Variants in DDX10 observed in about 807,000 individuals in gnomAD.
DDX10 encodes the protein probable ATP-dependent RNA helicase DDX10.
In DDX10, 74 loss-of-function variants were observed where a neutral mutation model predicts 104.3. The ratio of observed to expected loss-of-function variants is 0.71; its 90% CI spans 0.59 to 0.86. The LOEUF (loss-of-function observed/expected upper bound fraction) is 0.86, where lower values mean the gene tolerates loss of function less well. DDX10 is among the 40% of genes least tolerant of loss of function. The probability of loss-of-function intolerance (pLI) is 0.00; values close to 1 mark genes in which losing one functional copy is unlikely to be tolerated. For synonymous variants in DDX10, 351 were observed against 353.4 expected (o/e 0.99, Z 0.08); for missense variants, 952 against 1,040.0 (o/e 0.92, Z 1.16).
chr11:108,792,847 GT>G (rs1459535609), intron 13 of DDX10, among the ~76,000 whole-genome samples: 2 of 152,058 alleles, frequency 1.3e-5, no homozygotes, highest in East Asian at 3.9e-4. Context: ...TGAGAATATT[GT>G]TTTCTGATCC....
chr11:108,725,799 T>A (rs1303193693), intron 13 of DDX10, among the ~76,000 whole-genome samples: 4 of 152,032 alleles, frequency 2.6e-5, no homozygotes, highest in Non-Finnish European at 5.9e-5. Context: ...TGAAGTCTGA[T>A]TTCAATCACA....
At position 108,801,422 on chromosome 11, in the gene DDX10, T is replaced by C. The variant is rs758815991; in HGVS notation, c.1966-37024T>C. On this transcript the variant is annotated intron_variant, in intron 13 of 17. Transcript: ENST00000322536. Reference sequence around the variant, plus strand: ...ACGTGTTTTCAAAGTTCTCAACTTATGAAATGTTAAACTATTCCAAGGTTG... The same window carrying C: ...ACGTGTTTTCAAAGTTCTCAACTTACGAAATGTTAAACTATTCCAAGGTTG... Among the ~76,000 whole-genome samples, 55 of 152,218 alleles carry C rather than the reference T, an allele frequency of 3.6e-4. 1 individual carries two copies. The highest frequency in any genetic ancestry group is 7.3e-5 in the Non-Finnish European group (5 of 68,038).
intron 15 of DDX10, among the ~76,000 whole-genome samples, chr11:108,845,600 G>T (rs1182265918): frequency 2.0e-5 from 3 of 152,128 alleles, no homozygotes; most frequent in Non-Finnish European, 4.4e-5. Flanking sequence ...GACAGAAAAA[G>T]GTGACGAAAC....
rs1331081218 is a variant in DDX10, at chr11:108,715,753, C to G, written c.1323-126C>G. The G allele has an allele frequency of 8.3e-6, 5 of 605,538 alleles. No homozygotes were observed. The East Asian group carries it at 1.4e-4, about 17-fold the overall frequency. 37.5% of individuals were successfully genotyped at this position (605,538 alleles called of 1,614,324 possible). A position where few individuals can be genotyped will look rare whatever the true frequency, so the allele number is the denominator to read the frequency against. On this transcript the variant is annotated intron_variant, in intron 10 of 17. Transcript: ENST00000322536. ...ATGTCTAGTTTAATTTCCGTCTAAT[C>G]TGATTCATAGATGAGAAATAGTTAT... is the stretch of plus-strand genomic sequence containing the variant.
chr11:108,903,458 A>G (rs1863545490), intron 16 of DDX10, among the ~76,000 whole-genome samples: 1 of 152,154 alleles, frequency 6.6e-6, no homozygotes, highest in Non-Finnish European at 1.5e-5. Flanking sequence ...ATGGATTCAA[A>G]CAGACATGAA....
intron 13 of DDX10, among the ~76,000 whole-genome samples, chr11:108,806,855 T>G (rs1182112628): frequency 6.6e-6 from 1 of 152,152 alleles, no homozygotes; most frequent in Admixed American, 6.5e-5. Context: ...AAGGCCGATA[T>G]GAAGAGATTA....
At chr11:108,877,405 C>T (rs996062633) in intron 16 of DDX10, among the ~76,000 whole-genome samples, 7 of 151,920 alleles carry the variant, frequency 4.6e-5, no homozygotes, top group African/African-American at 1.5e-4. Flanking sequence ...ATAGACAGCA[C>T]GAGTGGAATC....
At chr11:108,905,199 C>G (rs116539195) in intron 16 of DDX10, among the ~76,000 whole-genome samples, 1,564 of 151,736 alleles carry the variant, frequency 0.01, 23 homozygotes, top group African/African-American at 0.036. Flanking sequence ...ATCTAAAGCT[C>G]TCCTGAACCT....
chr11:108,908,590 C>T (rs1261975852), intron 16 of DDX10, among the ~76,000 whole-genome samples: 1 of 152,168 alleles, frequency 6.6e-6, no homozygotes, highest in Non-Finnish European at 1.5e-5. Flanking sequence ...TATATTTTCT[C>T]ACTGATAATC....
At chr11:108,934,786 T>C (rs542637752) in intron 17 of DDX10, among the ~76,000 whole-genome samples, 5 of 152,312 alleles carry the variant, frequency 3.3e-5, no homozygotes, top group African/African-American at 1.2e-4. Context: ...ACTTATATAA[T>C]TTTTAAAAAC....
Position 108,723,107 on chromosome 11 carries a change from C to T in DDX10, c.1610C>T (p.Ala537Val). 3.1e-6 allele frequency: 5 copies of T among 1,613,850 alleles called. No homozygotes were observed. The highest frequency in any genetic ancestry group is 1.1e-5 in the South Asian group (1 of 91,060). Reference sequence around the variant, plus strand: ...GCCGATAAAGTAATTGAGCCAAGGGCTCCCTCCCTCACCAATGACGAAGTG... The same window carrying T: ...GCCGATAAAGTAATTGAGCCAAGGGTTCCCTCCCTCACCAATGACGAAGTG... ...SQADKVIEPR[A>V]PSLTNDEVEE... The change falls in exon 13 of 18, where the codon GCT becomes GTT. Residue 537 changes from alanine to valine, a missense_variant. Ala to Val is a moderately conservative substitution (Grantham distance 64). Transcript: ENST00000322536.
At chr11:108,708,767 C>T (rs2094280149) in intron 10 of DDX10, among the ~76,000 whole-genome samples, 1 of 152,010 alleles carries the variant, frequency 6.6e-6, no homozygotes, top group African/African-American at 2.4e-5. Context: ...GGGGTCTTGC[C>T]ATGTTGGCCA....
chr11:108,680,789 G>A (rs2094233791), intron 6 of DDX10, among the ~76,000 whole-genome samples: 1 of 152,112 alleles, frequency 6.6e-6, no homozygotes, highest in African/African-American at 2.4e-5. Flanking sequence ...TGAGTATTCA[G>A]GCCCATCTTG....
In DDX10 at chr11:108,723,272, T is replaced by C. The variant is rs1278934821; in HGVS notation, c.1775T>C (p.Met592Thr). ...QEEEEDDEEE[M>T]EEKLAKAKGS... ...GAAGAAGAAGACGATGAAGAAGAAATGGAAGAGAAACTGGCAAAAGCAAAA... is the reference window on the plus strand; with the variant it reads ...GAAGAAGAAGACGATGAAGAAGAAACGGAAGAGAAACTGGCAAAAGCAAAA... The change falls in exon 13 of 18, where the codon ATG becomes ACG. Residue 592 changes from methionine to threonine, a missense_variant. This residue lies in a region of DDX10 where 533 missense variants were observed against 534.1 expected (regional missense o/e 1.00). Coordinates refer to ENST00000322536, the MANE Select transcript of DDX10 (RefSeq NM_004398.4). 1.2e-6 allele frequency: 2 copies of C among 1,613,336 alleles called. No individual in the cohort carries two copies. The highest frequency in any genetic ancestry group is 2.2e-5 in the East Asian group (1 of 44,786).
chr11:108,840,716 A>C (rs1205616463), intron 14 of DDX10, among the ~76,000 whole-genome samples: 1 of 152,160 alleles, frequency 6.6e-6, no homozygotes, highest in African/African-American at 2.4e-5. Context: ...TAGTTATTTC[A>C]GTCATTATGT....
At chr11:108,751,293 G>A (rs1207233607) in intron 13 of DDX10, among the ~76,000 whole-genome samples, 1 of 151,860 alleles carries the variant, frequency 6.6e-6, no homozygotes, top group East Asian at 1.9e-4. Context: ...TCAGGGTTTG[G>A]GGATAGTGTA....
At chr11:108,712,429 T>C (rs2094285652) in intron 10 of DDX10, among the ~76,000 whole-genome samples, 1 of 152,162 alleles carries the variant, frequency 6.6e-6, no homozygotes, top group Non-Finnish European at 1.5e-5. Flanking sequence ...GACTGTTTTC[T>C]CTCCTTAGCA....
At chr11:108,829,461 G>C (rs1458753486) in intron 13 of DDX10, among the ~76,000 whole-genome samples, 1 of 151,990 alleles carries the variant, frequency 6.6e-6, no homozygotes, top group Admixed American at 6.6e-5. Flanking sequence ...TTGCCGATTT[G>C]TTTGAATTCT....
intron 13 of DDX10, among the ~76,000 whole-genome samples, chr11:108,730,980 C>G (rs1005627512): frequency 6.6e-6 from 1 of 151,910 alleles, no homozygotes; most frequent in Non-Finnish European, 1.5e-5. Context: ...CCTGTACATT[C>G]CCTAGTACTG....
Sources: gnomAD v4.1 joint callset for allele counts (sites outside exome capture counted in the v4.1 genomes callset) on GRCh38, gnomAD v4.1.1 for gene constraint, gnomAD v4.1.1 regional missense constraint, MANE v1.5 for transcripts, NCBI Gene and HGNC (gene_info 2026-07-23, HGNC 2026-07-21) for gene names.